Variants in SPEF2 observed in about 807,000 individuals in gnomAD.
SPEF2 encodes the protein sperm flagellar and cilia associated 2.
In SPEF2, 187 loss-of-function variants were observed where a neutral mutation model predicts 224.6. The ratio of observed to expected loss-of-function variants is 0.83; its 90% CI spans 0.74 to 0.94. The LOEUF (loss-of-function observed/expected upper bound fraction) is 0.94, where lower values mean the gene tolerates loss of function less well. Ranked by LOEUF, SPEF2 falls within the 40% of genes least tolerant of loss-of-function variation. SPEF2 has a pLI of 0.00. For synonymous variants in SPEF2, 715 were observed against 707.3 expected (o/e 1.01, Z -0.17); for missense variants, 2,170 against 2,135.6 (o/e 1.02, Z -0.32).
At chr5:35,802,797 A>C (rs1158504426) in intron 34 of SPEF2, among the ~76,000 whole-genome samples, 1 of 152,170 alleles carries the variant, frequency 6.6e-6, no homozygotes, top group Non-Finnish European at 1.5e-5. Flanking sequence ...AGGGAAGGGA[A>C]GTGAGAGGGA....
At chr5:35,727,927 A>T (rs1580471370) in intron 21 of SPEF2, 104 bp downstream of exon 21, 2 of 1,203,402 alleles carry the variant, frequency 1.7e-6, no homozygotes, top group East Asian at 2.5e-5. Flanking sequence ...TACAGCAGGT[A>T]ATATATATCT....
In SPEF2 at chr5:35,807,008, A is replaced by C. The variant is rs560321058; in HGVS notation, c.5256+56A>C. 19 of 1,564,026 alleles carry C rather than the reference A, an allele frequency of 1.2e-5. No homozygotes were observed. The South Asian group carries it at 2.2e-4, about 18-fold the overall frequency. On this transcript the variant is annotated intron_variant, in intron 35 of 36. Coordinates refer to ENST00000356031, the MANE Select transcript of SPEF2 (RefSeq NM_024867.4). ...CTCAATTCTGAGCATATTTTTATGG[A>C]ATTGCTCTCAAAATATATCATAGTA...
chr5:35,716,159 G>A (rs1176873395), intron 20 of SPEF2, among the ~76,000 whole-genome samples: 1 of 151,646 alleles, frequency 6.6e-6, no homozygotes, highest in Non-Finnish European at 1.5e-5. Flanking sequence ...AAACATTTTT[G>A]AGAATCATAA....
intron 15 of SPEF2, 105 bp downstream of exon 15, chr5:35,697,898 TC>T (rs1755562394): frequency 1.3e-6 from 1 of 752,272 alleles, no homozygotes; most frequent in East Asian, 2.8e-5. Context: ...CTCATACATT[TC>T]ACTCATCTGT....
intron 1 of SPEF2, among the ~76,000 whole-genome samples, chr5:35,625,373 G>A (rs1482082428): frequency 6.6e-6 from 1 of 152,156 alleles, no homozygotes; most frequent in Non-Finnish European, 1.5e-5. Flanking sequence ...GTAGAAAATG[G>A]TTTGTTACAG....
chr5:35,672,721 G>A (rs1303807151), intron 10 of SPEF2, among the ~76,000 whole-genome samples: 2 of 151,980 alleles, frequency 1.3e-5, no homozygotes, highest in Admixed American at 6.6e-5. Flanking sequence ...TGAACATTAT[G>A]TTCAAGCAAA....
In SPEF2 at chr5:35,760,360, CTAAA is replaced by C. The variant is rs1371802407; in HGVS notation, c.3620+642_3620+645del. ...CCTGGGCGACAGAGGGAGACTCCGTCTAAAAAAAAAAAAAAAATTATGAACCTCT... is the reference window on the plus strand; with the variant it reads ...CCTGGGCGACAGAGGGAGACTCCGTCAAAAAAAAAAAAATTATGAACCTCT... On this transcript the variant is annotated intron_variant, in intron 25 of 36. Coordinates refer to ENST00000356031, the MANE Select transcript of SPEF2 (RefSeq NM_024867.4). Among the ~76,000 whole-genome samples the C allele has an allele frequency of 2.0e-3, 294 of 146,384 alleles. 1 individual carries two copies. The highest frequency in any genetic ancestry group is 6.6e-3 in the African/African-American group (265 of 39,870).
intron 10 of SPEF2, among the ~76,000 whole-genome samples, chr5:35,684,375 A>G (rs1183588004): frequency 6.6e-6 from 1 of 152,192 alleles, no homozygotes; most frequent in African/African-American, 2.4e-5. Context: ...TGTTCCACCA[A>G]ATCCTTTATC....
At chr5:35,770,030 C>CATGTGT (rs1554053755) in intron 26 of SPEF2, among the ~76,000 whole-genome samples, 1 of 142,236 alleles carries the variant, frequency 7.0e-6, no homozygotes, top group African/African-American at 2.7e-5. Flanking sequence ...TGTGCATGTG[C>CATGTGT]GTGTGTGTGT....
intron 30 of SPEF2, among the ~76,000 whole-genome samples, chr5:35,779,624 A>ATT (rs1459792906): frequency 6.6e-6 from 1 of 152,120 alleles, no homozygotes; most frequent in African/African-American, 2.4e-5. Context: ...AAGTTTGTAT[A>ATT]TTTGAGTATT....
chr5:35,751,037 A>ACGTATG (rs1438730354), intron 23 of SPEF2, among the ~76,000 whole-genome samples: 15 of 33,096 alleles, frequency 4.5e-4, no homozygotes, highest in African/African-American at 1.3e-3. Context: ...ATATATATAC[A>ACGTATG]CATATGTATA....
intron 9 of SPEF2, among the ~76,000 whole-genome samples, chr5:35,669,534 A>G (rs1750948248): frequency 6.6e-6 from 1 of 152,122 alleles, no homozygotes; most frequent in South Asian, 2.1e-4. Context: ...AGAGTCTGCT[A>G]TTTAAGTCCA....
intron 3 of SPEF2, among the ~76,000 whole-genome samples, chr5:35,642,189 A>G (rs1052657108): frequency 6.6e-6 from 1 of 152,070 alleles, no homozygotes. Flanking sequence ...ATCTTCCCTA[A>G]ATTTTACTTT....
At chr5:35,669,220 T>A (rs1411129352) in intron 9 of SPEF2, among the ~76,000 whole-genome samples, 1 of 152,138 alleles carries the variant, frequency 6.6e-6, no homozygotes, top group Non-Finnish European at 1.5e-5. Flanking sequence ...TTCAAGGTCC[T>A]TTCATGTTGT....
intron 10 of SPEF2, among the ~76,000 whole-genome samples, chr5:35,672,475 T>C (rs1386712752): frequency 6.6e-6 from 1 of 151,292 alleles, no homozygotes; most frequent in Admixed American, 6.6e-5. Context: ...CCAGGATGCA[T>C]TGTTCCGCTG....
chr5:35,649,366 G>A lies in SPEF2; in HGVS notation c.732G>A (p.Val244=). ...ATGATGAATTTTCTTTAAAGGATGT[G>A]GCTGATGAAATTAAGAAGTTCGAAG... ...MMKKKKEAED[V]ADEIKKFEAL... Residue 244 remains valine, a synonymous_variant, in exon 6 of 37, where the codon GTG becomes GTA. Transcript: ENST00000356031. 2 of 1,611,092 alleles carry A rather than the reference G, an allele frequency of 1.2e-6. No individual in the cohort carries two copies. The highest frequency in any genetic ancestry group is 1.7e-6 in the Non-Finnish European group (2 of 1,178,788).
intron 20 of SPEF2, among the ~76,000 whole-genome samples, chr5:35,714,602 A>C (rs7727246): frequency 0.75 from 113,420 of 150,966 alleles, 42,976 homozygotes; most frequent in Middle Eastern, 0.83. Flanking sequence ...TATTACAATT[A>C]CATGGCCTCA....
intron 23 of SPEF2, among the ~76,000 whole-genome samples, chr5:35,743,411 T>C (rs1013466994): frequency 6.6e-6 from 1 of 151,962 alleles, no homozygotes; most frequent in Non-Finnish European, 1.5e-5. Flanking sequence ...TATTAGAAAA[T>C]ATCCATGGAT....
chr5:35,628,900 A>G (rs1282197693), intron 2 of SPEF2, among the ~76,000 whole-genome samples: 1 of 151,894 alleles, frequency 6.6e-6, no homozygotes, highest in Non-Finnish European at 1.5e-5. Context: ...ACTACTCTTT[A>G]CTTTTAAGAA....
Sources: allele counts gnomAD v4.1 joint callset (sites outside exome capture counted in the v4.1 genomes callset), GRCh38; gene constraint gnomAD v4.1.1; transcripts MANE v1.5; gene names NCBI Gene and HGNC (gene_info 2026-07-23, HGNC 2026-07-21).